KIAA1217: variants seen among roughly 807,000 people sequenced by gnomAD.
KIAA1217 encodes the protein sickle tail protein homolog.
In KIAA1217, 88 loss-of-function variants were observed where a neutral mutation model predicts 163.9. The observed-to-expected ratio is 0.54, with a 90% confidence interval of 0.45 to 0.64. The LOEUF (loss-of-function observed/expected upper bound fraction) is 0.64. KIAA1217 is among the 30% of genes least tolerant of loss of function. The probability of loss-of-function intolerance (pLI) is 0.00; values close to 1 mark genes in which losing one functional copy is unlikely to be tolerated. For synonymous variants in KIAA1217, 903 were observed against 923.1 expected (o/e 0.98, Z 0.39); for missense variants, 2,372 against 2,475.0 (o/e 0.96, Z 0.88).
In KIAA1217 at chr10:24,543,405, GC is replaced by G; in HGVS notation, c.4137del (p.Thr1380LeufsTer7). 1 of 1,614,172 alleles carries G rather than the reference GC, an allele frequency of 6.2e-7. No individual in the cohort carries two copies. Among genetic ancestry groups the G allele is most frequent in the Non-Finnish European group, 8.5e-7 (1 of 1,180,036 alleles). On this transcript the variant is annotated frameshift_variant, in exon 19 of 21. Transcript: ENST00000376454. LOFTEE classifies it high-confidence loss of function. ...AAGTTCTCCCACTGAAGAAAATGCA[GC>G]CACTGACAATATTGCCTTCATGATT... ...SSSSPTEENA[A>X]TDNIAFMITE...
chr10:23,945,789 C>G (rs1292775831), intron 1 of KIAA1217, among the ~76,000 whole-genome samples: 1 of 152,072 alleles, frequency 6.6e-6, no homozygotes, highest in Non-Finnish European at 1.5e-5. Context: ...TATTTTAAAG[C>G]AGGATTCCAT....
chr10:24,125,055 C>T (rs1209564509), intron 2 of KIAA1217, among the ~76,000 whole-genome samples: 3 of 152,018 alleles, frequency 2.0e-5, no homozygotes, highest in East Asian at 3.9e-4. Context: ...AGGCGGATCA[C>T]GAGGTCAGGA....
intron 2 of KIAA1217, among the ~76,000 whole-genome samples, chr10:24,169,659 T>C (rs1286169813): frequency 6.6e-6 from 1 of 152,120 alleles, no homozygotes; most frequent in Non-Finnish European, 1.5e-5. Flanking sequence ...AGTATTTAAC[T>C]TGTCCAATGT....
chr10:23,817,713 T>C (rs1837371578), intron 1 of KIAA1217, among the ~76,000 whole-genome samples: 1 of 151,940 alleles, frequency 6.6e-6, no homozygotes, highest in Non-Finnish European at 1.5e-5. Flanking sequence ...TGACTTTGGT[T>C]ACGGTGTTAC....
intron 6 of KIAA1217, among the ~76,000 whole-genome samples, chr10:24,494,122 A>G (rs999733434): frequency 3.3e-5 from 5 of 152,324 alleles, no homozygotes; most frequent in Admixed American, 6.5e-5. Flanking sequence ...AAATGTGTGC[A>G]GCTAGGTGAG....
At chr10:24,297,010 G>A (rs1453655256) in intron 2 of KIAA1217, among the ~76,000 whole-genome samples, 2 of 152,184 alleles carry the variant, frequency 1.3e-5, no homozygotes, top group Admixed American at 6.5e-5. Flanking sequence ...AGAAGGACAT[G>A]AGACTGTAAT....
In KIAA1217 at chr10:23,755,890, G is replaced by A. The variant is rs139891664; in HGVS notation, c.-321+60656G>A. On this transcript the variant is annotated intron_variant, in intron 1 of 18. Coordinates refer to the KIAA1217 transcript ENST00000376462. ...TAATCTTCCACATATATTTATGTGC[G>A]ATATCACATAATAACCAATACCTTT... Among the ~76,000 whole-genome samples the A allele has an allele frequency of 5.0e-3, 766 of 151,984 alleles. 5 individuals are homozygous for A. Among genetic ancestry groups the A allele is most frequent in the Middle Eastern group, 0.021 (6 of 292 alleles).
intron 2 of KIAA1217, among the ~76,000 whole-genome samples, chr10:24,142,811 A>G (rs1045098165): frequency 5.3e-5 from 8 of 152,212 alleles, no homozygotes; most frequent in Non-Finnish European, 1.0e-4. Flanking sequence ...TGTAGGTTTA[A>G]TACAAAAAGT....
At chr10:24,490,993 C>T (rs1187029385) in intron 6 of KIAA1217, among the ~76,000 whole-genome samples, 2 of 152,138 alleles carry the variant, frequency 1.3e-5, no homozygotes, top group Non-Finnish European at 2.9e-5. Flanking sequence ...TATCCCAGAC[C>T]GTTCTGCAAC....
intron 1 of KIAA1217, among the ~76,000 whole-genome samples, chr10:23,896,738 A>C (rs757523107): frequency 2.9e-4 from 44 of 152,096 alleles, no homozygotes; most frequent in Non-Finnish European, 5.7e-4. Context: ...CTTTCTTTGC[A>C]AAAACGTCTT....
intron 2 of KIAA1217, among the ~76,000 whole-genome samples, chr10:24,357,695 C>T (rs1375060595): frequency 6.6e-6 from 1 of 151,990 alleles, no homozygotes; most frequent in Non-Finnish European, 1.5e-5. Flanking sequence ...AAGGAAGGGG[C>T]GTTTTAGTGA....
chr10:23,792,193 G>T (rs1835980414), intron 1 of KIAA1217, among the ~76,000 whole-genome samples: 1 of 152,166 alleles, frequency 6.6e-6, no homozygotes, highest in Non-Finnish European at 1.5e-5. Flanking sequence ...GTGGGGTCAG[G>T]AAAAGGCCAA....
chr10:24,092,627 T>C (rs560992946), intron 2 of KIAA1217, among the ~76,000 whole-genome samples: 50 of 151,818 alleles, frequency 3.3e-4, no homozygotes, highest in Non-Finnish European at 3.2e-4. Context: ...TTAAATATAT[T>C]TCATTAAATG....
At chr10:23,765,018 C>CA (rs58592387) in intron 1 of KIAA1217, among the ~76,000 whole-genome samples, 23 of 151,600 alleles carry the variant, frequency 1.5e-4, no homozygotes, top group Non-Finnish European at 2.9e-4. Flanking sequence ...GCTTCTCCCC[C>CA]AAAAAAACCC....
At chr10:24,296,126 CAG>C (rs1370637514) in intron 2 of KIAA1217, among the ~76,000 whole-genome samples, 1 of 151,946 alleles carries the variant, frequency 6.6e-6, no homozygotes, top group African/African-American at 2.4e-5. Flanking sequence ...TTTTTGGAGA[CAG>C]GGGCCCACTC....
At chr10:23,877,566 G>A (rs1262270885) in intron 1 of KIAA1217, 1 of 151,828 alleles carries the variant, frequency 6.6e-6, no homozygotes, top group Non-Finnish European at 1.5e-5. Context: ...ATGTAGTTTT[G>A]CCTTAAGTAA....
chr10:24,302,196 C>A (rs2041445044), intron 2 of KIAA1217, among the ~76,000 whole-genome samples: 1 of 152,182 alleles, frequency 6.6e-6, no homozygotes, highest in South Asian at 2.1e-4. Flanking sequence ...TCACTTAGCA[C>A]CCTCCACCTA....
At chr10:24,129,373 C>T in intron 2 of KIAA1217, among the ~76,000 whole-genome samples, 1 of 152,110 alleles carries the variant, frequency 6.6e-6, no homozygotes, top group East Asian at 1.9e-4. Context: ...GTTATACTTA[C>T]TCCCTAAGAT....
At chr10:24,212,849 A>G (rs914124289) in intron 1 of KIAA1217, among the ~76,000 whole-genome samples, 1 of 152,198 alleles carries the variant, frequency 6.6e-6, no homozygotes, top group Non-Finnish European at 1.5e-5. Context: ...GCACTGGGCA[A>G]CCTAACAGAG....
Sources: allele counts gnomAD v4.1 joint callset (sites outside exome capture counted in the v4.1 genomes callset), GRCh38; gene constraint gnomAD v4.1.1; transcripts MANE v1.5; gene names NCBI Gene and HGNC (gene_info 2026-07-23, HGNC 2026-07-21).